The following TENM4 variants were observed in gnomAD, a reference collection of about 807,000 sequenced individuals.
TENM4 encodes teneurin-4.
A neutral mutation model predicts 243.3 loss-of-function variants in TENM4; 82 were observed. That is an observed-to-expected ratio of 0.34 (90% CI 0.28 to 0.40). The LOEUF (loss-of-function observed/expected upper bound fraction) is 0.40, where lower values mean the gene tolerates loss of function less well. Ranked by LOEUF, TENM4 falls within the 10% of genes least tolerant of loss-of-function variation. The pLI is 1.00. For missense variants in TENM4, 3,138 were observed against 3,673.3 expected (o/e 0.85, Z 3.77); for synonymous variants, 1,412 against 1,456.3 (o/e 0.97, Z 0.69).
intron 1 of TENM4, among the ~76,000 whole-genome samples, chr11:79,348,529 C>G (rs1482546451): frequency 3.3e-5 from 5 of 152,142 alleles, no homozygotes; most frequent in African/African-American, 1.2e-4. Flanking sequence ...TGAATTAACC[C>G]CCACTGTGAT....
intron 17 of TENM4, among the ~76,000 whole-genome samples, chr11:78,777,889 A>C (rs1463116142): frequency 1.3e-5 from 2 of 152,346 alleles, no homozygotes; most frequent in East Asian, 1.9e-4. Flanking sequence ...TCTTAGAGCT[A>C]TGTGGCCTAT....
At chr11:79,151,931 C>T (rs776608433) in intron 3 of TENM4, among the ~76,000 whole-genome samples, 1 of 152,162 alleles carries the variant, frequency 6.6e-6, no homozygotes, top group Non-Finnish European at 1.5e-5. Context: ...TCAGAACCAA[C>T]CCCAGTGGCT....
Position 79,146,650 on chromosome 11 carries a change from C to G in TENM4, c.-66+2060G>C, listed in dbSNP as rs187126452. ...AACATTCCCTAAACTCTGAGAAAAA[C>G]AAACAGAAAAAAGCCACTAACCAAG... On this transcript the variant is annotated intron_variant, in intron 4 of 33. Coordinates refer to ENST00000278550, the MANE Select transcript of TENM4 (RefSeq NM_001098816.3). Among the ~76,000 whole-genome samples the G allele has an allele frequency of 7.9e-5, 12 of 152,100 alleles. No homozygotes were observed. In the East Asian group the frequency reaches 2.3e-3, roughly 29 times the overall value.
In TENM4 at chr11:78,787,094, G is replaced by A; in HGVS notation, c.2180-11C>T. 6.5e-7 allele frequency: 1 copy of A among 1,535,806 alleles called. No homozygotes were observed. The highest frequency in any genetic ancestry group is 1.2e-5 in the South Asian group (1 of 82,394). ...CGGCAGCACAGATCTCTGTGGGGAG[G>A]AGCAGAAGAAGGGAGGACACCAGGG... On this transcript the variant is annotated splice_polypyrimidine_tract_variant and intron_variant, in intron 15 of 33. Transcript: ENST00000278550.
At chr11:78,705,916 T>A (rs1859236971) in intron 27 of TENM4, among the ~76,000 whole-genome samples, 1 of 152,146 alleles carries the variant, frequency 6.6e-6, no homozygotes, top group Non-Finnish European at 1.5e-5. Context: ...TACAAGGAAG[T>A]TTTTTGTGGA....
intron 6 of TENM4, among the ~76,000 whole-genome samples, chr11:79,022,003 C>A (rs767163943): frequency 6.6e-6 from 1 of 152,244 alleles, no homozygotes; most frequent in East Asian, 1.9e-4. Flanking sequence ...TTGGCTCAAT[C>A]GTGCTGTCTC....
At chr11:79,315,235 G>A (rs1856784276) in intron 1 of TENM4, among the ~76,000 whole-genome samples, 1 of 152,216 alleles carries the variant, frequency 6.6e-6, no homozygotes, top group South Asian at 2.1e-4. Flanking sequence ...AGAGGGAAAT[G>A]AGAAGAGCTG....
chr11:79,288,846 TAAG>T (rs1399960059), intron 2 of TENM4, among the ~76,000 whole-genome samples: 1 of 150,670 alleles, frequency 6.6e-6, no homozygotes, highest in East Asian at 1.9e-4. Context: ...CTGGTTGAAA[TAAG>T]AATGGGTGAG....
At chr11:79,397,723 C>T (rs1858375082) in intron 1 of TENM4, among the ~76,000 whole-genome samples, 1 of 152,184 alleles carries the variant, frequency 6.6e-6, no homozygotes, top group South Asian at 2.1e-4. Context: ...CTTCTATTGG[C>T]AATGTTTCTC....
intron 6 of TENM4, among the ~76,000 whole-genome samples, chr11:79,030,725 C>A (rs1859208532): frequency 1.3e-5 from 2 of 152,150 alleles, no homozygotes; most frequent in Admixed American, 6.5e-5. Context: ...TTACTTACTG[C>A]CCAGCCCAGC....
chr11:78,755,228 G>C (rs1304157847), intron 19 of TENM4, among the ~76,000 whole-genome samples: 2 of 152,172 alleles, frequency 1.3e-5, no homozygotes, highest in East Asian at 3.9e-4. Flanking sequence ...GCAGTGGGAC[G>C]GTCTTGGCTC....
At chr11:79,325,610 C>T (rs954602768) in intron 1 of TENM4, among the ~76,000 whole-genome samples, 4 of 152,210 alleles carry the variant, frequency 2.6e-5, no homozygotes, top group Non-Finnish European at 4.4e-5. Flanking sequence ...TGAGATCAGG[C>T]TACCCAGTAC....
intron 1 of TENM4, among the ~76,000 whole-genome samples, chr11:79,301,404 G>C (rs1473961005): frequency 6.6e-6 from 1 of 152,138 alleles, no homozygotes; most frequent in Non-Finnish European, 1.5e-5. Context: ...CTGAAAGGTT[G>C]TTTGCTTTCC....
intron 4 of TENM4, among the ~76,000 whole-genome samples, chr11:79,101,682 G>T (rs1381906541): frequency 6.6e-6 from 1 of 152,208 alleles, no homozygotes. Context: ...ACATGCAAAT[G>T]AGGGTGCTTT....
chr11:79,291,178 G>A (rs1331360366), intron 2 of TENM4, among the ~76,000 whole-genome samples: 1 of 152,136 alleles, frequency 6.6e-6, no homozygotes, highest in Non-Finnish European at 1.5e-5. Flanking sequence ...ACATCCAGGT[G>A]ACTCTGTGAC....
At chr11:78,840,395 TTTAGCC>T (rs1858229549) in intron 12 of TENM4, among the ~76,000 whole-genome samples, 1 of 152,212 alleles carries the variant, frequency 6.6e-6, no homozygotes, top group African/African-American at 2.4e-5. Context: ...CTGGGCTTCT[TTTAGCC>T]GAGAACATGA....
chr11:79,180,160 A>T lies in TENM4; in HGVS notation c.-162-31354T>A, dbSNP rs7935280. Among the ~76,000 whole-genome samples the T allele has an allele frequency of 2.6e-5, 4 of 151,236 alleles. No homozygotes were observed. In the South Asian group the frequency reaches 8.4e-4, roughly 32 times the overall value. ...TTTGCATCTTAAGCTTATTAACAAG[A>T]TTCTAAAAATGCATTTTGGCAAAAA... On this transcript the variant is annotated intron_variant, in intron 3 of 33. Coordinates refer to ENST00000278550, the MANE Select transcript of TENM4 (RefSeq NM_001098816.3).
intron 12 of TENM4, among the ~76,000 whole-genome samples, chr11:78,828,191 TTC>T (rs1426334359): frequency 6.6e-6 from 1 of 152,202 alleles, no homozygotes; most frequent in East Asian, 1.9e-4. Flanking sequence ...CCTTGCTGAT[TTC>T]TGTTTTTTCA....
intron 25 of TENM4, among the ~76,000 whole-genome samples, chr11:78,713,818 C>T (rs7128196): frequency 0.068 from 10,274 of 152,096 alleles, 839 homozygotes; most frequent in African/African-American, 0.2. Flanking sequence ...AATTTTTTTA[C>T]CCCCTGGTAC....
Sources: gnomAD v4.1 joint callset for allele counts (sites outside exome capture counted in the v4.1 genomes callset) on GRCh38, gnomAD v4.1.1 for gene constraint, MANE v1.5 for transcripts, NCBI Gene and HGNC (gene_info 2026-07-23, HGNC 2026-07-21) for gene names.